The following UTRN variants were observed in gnomAD, a reference collection of about 807,000 sequenced individuals.
The protein encoded by UTRN is dystrophin-related protein 1.
A neutral mutation model predicts 463.9 loss-of-function variants in UTRN; 283 were observed. The observed-to-expected ratio is 0.61, with a 90% CI of 0.55 to 0.67. The LOEUF is 0.67. Among genes scored for constraint, UTRN ranks in the 30% least tolerant of loss-of-function variants. UTRN has a pLI of 0.00. For missense variants in UTRN, 3,922 were observed against 4,084.3 expected (o/e 0.96, Z 1.08); for synonymous variants, 1,442 against 1,431.5 (o/e 1.01, Z -0.17).
chr6:144,357,532 T>C (rs569073105), intron 2 of UTRN, among the ~76,000 whole-genome samples: 1 of 152,370 alleles, frequency 6.6e-6, no homozygotes, highest in East Asian at 1.9e-4. Context: ...TAAACACTCC[T>C]TCTGTTACTG....
chr6:144,378,207 A>G (rs984197205), intron 2 of UTRN, among the ~76,000 whole-genome samples: 2 of 152,222 alleles, frequency 1.3e-5, no homozygotes, highest in South Asian at 2.1e-4. Flanking sequence ...AAGGCAATAC[A>G]TATAACAGAT....
intron 50 of UTRN, among the ~76,000 whole-genome samples, chr6:144,567,824 A>T (rs1800542162): frequency 6.6e-6 from 1 of 152,140 alleles, no homozygotes; most frequent in African/African-American, 2.4e-5. Context: ...GTTTCCTGAG[A>T]TGCTCTTTTC....
chr6:144,482,442 T>C (rs1476606336), intron 27 of UTRN, 54 bp downstream of exon 27: 4 of 1,134,994 alleles, frequency 3.5e-6, no homozygotes, highest in African/African-American at 1.7e-5. Flanking sequence ...ATTATTATTA[T>C]TTTCAGTGAT....
At chr6:144,798,866 C>T (rs541412329) in intron 64 of UTRN, among the ~76,000 whole-genome samples, 16 of 152,332 alleles carry the variant, frequency 1.1e-4, no homozygotes, top group Non-Finnish European at 2.1e-4. Flanking sequence ...CTCGGCCTCC[C>T]GAGTAGCTGG....
intron 2 of UTRN, among the ~76,000 whole-genome samples, chr6:144,328,627 G>T (rs1584298012): frequency 6.6e-6 from 1 of 152,014 alleles, no homozygotes; most frequent in Non-Finnish European, 1.5e-5. Context: ...TTTACAATGA[G>T]TAAAAATACA....
In UTRN at chr6:144,846,893, C is replaced by G. The variant is rs368209565; in HGVS notation, c.10293+66C>G. The G allele has an allele frequency of 1.3e-5, 21 of 1,585,216 alleles. No homozygotes were observed. In the East Asian group the frequency reaches 1.3e-4, roughly 10 times the overall value. On this transcript the variant is annotated intron_variant, in intron 74 of 74. Transcript: ENST00000367545. ...CAACCTAGAGTAAGCAGATTATCCACGACTGATTTTATTCCTACTTTATTC... is the reference window on the plus strand; with the variant it reads ...CAACCTAGAGTAAGCAGATTATCCAGGACTGATTTTATTCCTACTTTATTC...
chr6:144,374,943 C>A (rs1464909907), intron 2 of UTRN, among the ~76,000 whole-genome samples: 1 of 127,502 alleles, frequency 7.8e-6, no homozygotes, highest in Non-Finnish European at 1.6e-5. Flanking sequence ...GAGACTCCAT[C>A]TCAAAAAAAA....
At chr6:144,652,287 C>T (rs1778899099) in intron 51 of UTRN, among the ~76,000 whole-genome samples, 1 of 152,174 alleles carries the variant, frequency 6.6e-6, no homozygotes, top group Non-Finnish European at 1.5e-5. Flanking sequence ...ATAAAGCCTC[C>T]TGTCTCTGAA....
At chr6:144,772,418 A>G (rs143683888) in intron 59 of UTRN, among the ~76,000 whole-genome samples, 2 of 152,292 alleles carry the variant, frequency 1.3e-5, no homozygotes, top group East Asian at 1.9e-4. Flanking sequence ...ATTTAAAAGT[A>G]GTTAAATTTC....
Position 144,630,237 on chromosome 6 carries a change from A to G in UTRN, c.7480-48169A>G, listed in dbSNP as rs867568420. Among the ~76,000 whole-genome samples the G allele has an allele frequency of 3.3e-5, 5 of 152,278 alleles. No homozygotes were observed. In the South Asian group the frequency reaches 8.3e-4, roughly 25 times the overall value. The stretch of plus-strand genomic sequence containing the variant: ...GCATTCTGATTGGGAGTTACTAAGC[A>G]TATATATTATAGGAAGGATTAACAC... On this transcript the variant is annotated intron_variant, in intron 51 of 74. Coordinates refer to ENST00000367545, the MANE Select transcript of UTRN (RefSeq NM_007124.3).
intron 43 of UTRN, among the ~76,000 whole-genome samples, chr6:144,536,588 T>A (rs1374777557): frequency 1.3e-5 from 2 of 152,106 alleles, no homozygotes; most frequent in African/African-American, 4.8e-5. Context: ...TAATATTTTA[T>A]TACATGTATT....
chr6:144,785,010 G>C (rs1168083465), intron 61 of UTRN, among the ~76,000 whole-genome samples: 1 of 152,224 alleles, frequency 6.6e-6, no homozygotes, highest in African/African-American at 2.4e-5. Flanking sequence ...AGTAATGTCA[G>C]ACGGCCAGAG....
chr6:144,722,320 GT>G (rs35979217), intron 53 of UTRN, among the ~76,000 whole-genome samples: 54 of 146,122 alleles, frequency 3.7e-4, no homozygotes, highest in Non-Finnish European at 3.5e-4. Flanking sequence ...CTTCCCTCCG[GT>G]TTTTTTTTTT....
chr6:144,754,531 C>CTT (rs34213856), intron 56 of UTRN, among the ~76,000 whole-genome samples, 189 bp from the exon 57 acceptor site: 3,547 of 112,044 alleles, frequency 0.032, 143 homozygotes, highest in African/African-American at 0.072. Context: ...CAGAAGGAGT[C>CTT]TTTTTTTTTT....
At chr6:144,482,412 T>C in intron 27 of UTRN, 24 bp downstream of exon 27, 1 of 893,654 alleles carries the variant, frequency 1.1e-6, no homozygotes, top group Non-Finnish European at 1.4e-6. Flanking sequence ...ATTATTGTTG[T>C]TATTATTATT....
intron 41 of UTRN, among the ~76,000 whole-genome samples, chr6:144,528,032 ATTTTT>A: frequency 8.9e-6 from 1 of 112,104 alleles, no homozygotes; most frequent in Non-Finnish European, 1.8e-5. Flanking sequence ...AGCTAGTGTG[ATTTTT>A]TTTTTTTTTT....
At chr6:144,498,319 C>T (rs7749416) in intron 33 of UTRN, among the ~76,000 whole-genome samples, 3,677 of 152,228 alleles carry the variant, frequency 0.024, 87 homozygotes, top group African/African-American at 0.067. Flanking sequence ...TTATTGCATA[C>T]GTGTGTAAGA....
intron 60 of UTRN, among the ~76,000 whole-genome samples, chr6:144,777,960 T>C (rs1233762270): frequency 6.6e-6 from 1 of 152,258 alleles, no homozygotes; most frequent in Non-Finnish European, 1.5e-5. Flanking sequence ...CGTCATATTT[T>C]TCCTGAAATT....
At chr6:144,495,438 C>T (rs1346214994) in intron 33 of UTRN, among the ~76,000 whole-genome samples, 1 of 152,250 alleles carries the variant, frequency 6.6e-6, no homozygotes, top group Non-Finnish European at 1.5e-5. Flanking sequence ...GCCTGCTGCT[C>T]CGAGTGCGGG....
Sources: gnomAD v4.1 joint callset for allele counts (sites outside exome capture counted in the v4.1 genomes callset) on GRCh38, gnomAD v4.1.1 for gene constraint, MANE v1.5 for transcripts, NCBI Gene and HGNC (gene_info 2026-07-23, HGNC 2026-07-21) for gene names.